The following NOC2L variants were observed in gnomAD, a reference collection of about 807,000 sequenced individuals.
NOC2L encodes the protein NOC2 like nucleolar associated transcriptional repressor.
A neutral mutation model predicts 94.2 loss-of-function variants in NOC2L; 101 were observed. That is an observed-to-expected ratio of 1.07 (90% CI 0.91 to 1.26). The LOEUF is 1.26. Ranked by LOEUF, NOC2L falls within the 50% of genes most tolerant of loss-of-function variation. The pLI, the probability that NOC2L is intolerant of heterozygous loss-of-function variation, is 0.00. For missense variants in NOC2L, 1,076 were observed against 980.1 expected, an observed-to-expected ratio of 1.10 and a Z score of -1.31; for synonymous variants, 531 against 413.4, an observed-to-expected ratio of 1.28 and a Z score of -3.45.
rs1187136671 is a variant in NOC2L at position 954,065 on chromosome 1, C to T, written c.716G>A (p.Ser239Asn). 1 of 1,610,940 alleles carries T rather than the reference C, an allele frequency of 6.2e-7. No individual in the cohort carries two copies. Among genetic ancestry groups the T allele is most frequent in the East Asian group, 2.2e-5 (1 of 44,816 alleles). Reference protein sequence around the residue: ...KDSSRMLQPSSSPLWGKLRVD... With the variant: ...KDSSRMLQPSNSPLWGKLRVD... Reference sequence around the variant, plus strand: ...ACGAAGCTTCCCCCAGAGCGGGCTGCTGGACGGCTGCAGCATCCTGCAGAG... The same window carrying T: ...ACGAAGCTTCCCCCAGAGCGGGCTGTTGGACGGCTGCAGCATCCTGCAGAG... The change falls in exon 7 of 19, where the codon AGC becomes AAC. Residue 239 changes from serine (S) to asparagine (N), a missense_variant. Transcript: ENST00000327044.
chr1:955,122 G>A (rs1480810069), intron 6 of NOC2L, among the ~76,000 whole-genome samples: 8 of 152,340 alleles, frequency 5.3e-5, no homozygotes, highest in Admixed American at 2.6e-4. Flanking sequence ...GCTGCAGTGC[G>A]TGCTGCCTCC....
At chr1:958,474 T>G (rs967905057) in intron 2 of NOC2L, 1 of 353,876 alleles carries the variant, frequency 2.8e-6, no homozygotes, top group Non-Finnish European at 5.6e-6. Context: ...GGTCTCGAAT[T>G]CCTGACCTCA....
intron 14 of NOC2L, chr1:947,072 T>C (rs1642134193): frequency 6.4e-6 from 1 of 155,888 alleles, no homozygotes; most frequent in African/African-American, 2.4e-5. Flanking sequence ...ATACTACTAC[T>C]ACTAATAAAA....
intron 2 of NOC2L, 51 bp from the exon 3 acceptor site, chr1:957,324 C>CGG (rs1557623566): frequency 6.4e-7 from 1 of 1,571,782 alleles, no homozygotes; most frequent in Non-Finnish European, 8.7e-7. Context: ...GTAGAGGGGG[C>CGG]GGGGAGTGGC....
At chr1:958,455 G>C (rs150004671) in intron 2 of NOC2L, 1 of 339,198 alleles carries the variant, frequency 2.9e-6, no homozygotes, top group Non-Finnish European at 5.8e-6. Flanking sequence ...TTTCCGTGTT[G>C]GTCAGGCTGG....
intron 1 of NOC2L, 49 bp downstream of exon 1, chr1:959,166 T>A: frequency 1.9e-6 from 3 of 1,611,836 alleles, no homozygotes; most frequent in Non-Finnish European, 1.7e-6. Context: ...CCCCCTTGGA[T>A]ACAGACACCC....
At position 953,853 on chromosome 1, in the gene NOC2L, C is replaced by T. The variant is rs200446475; in HGVS notation, c.817G>A (p.Val273Met). 3.2e-5 allele frequency: 51 copies of T among 1,612,958 alleles called. No individual in the cohort carries two copies. Among genetic ancestry groups the T allele is most frequent in the African/African-American group, 5.3e-5 (4 of 74,922 alleles). Residue 273 changes from valine to methionine, a missense_variant, in exon 8 of 19, where the codon GTG becomes ATG. Coordinates refer to ENST00000327044, the MANE Select transcript of NOC2L (RefSeq NM_015658.4). The stretch of plus-strand genomic sequence containing the variant: ...ACCAGCACGCTGATGTGCCGCAGCA[C>T]GGCCGCCAACACCGTCGTCTCCGAC... ...CLSETTVLAA[V>M]LRHISVLVPC...
chr1:956,149 G>T lies in NOC2L; in HGVS notation c.553C>A (p.Arg185=). 1 of 1,613,932 alleles carries T rather than the reference G, an allele frequency of 6.2e-7. No homozygotes were observed. The highest frequency in any genetic ancestry group is 8.5e-7 in the Non-Finnish European group (1 of 1,180,010). ...GCCTCAGCACTTTCCTGGTCCCCTC[G>T]GGTGGTGGCCACAGCTGCTCGGAAC... ...QAFRAAVATT[R]GDQESAEANK... is the part of the protein sequence containing the mutation. The change falls in exon 5 of 19, where the codon CGA becomes AGA. Residue 185 remains arginine, a synonymous_variant. Transcript: ENST00000327044.
At chr1:957,371 A>G in intron 2 of NOC2L, 98 bp from the exon 3 acceptor site, 1 of 1,167,486 alleles carries the variant, frequency 8.6e-7, no homozygotes, top group Non-Finnish European at 1.2e-6. Context: ...AAGGGTTACC[A>G]ACTAGCAAGA....
At chr1:956,769 G>T (rs554340002) in intron 4 of NOC2L, 125 bp downstream of exon 4, 6 of 1,392,814 alleles carry the variant, frequency 4.3e-6, no homozygotes, top group Non-Finnish European at 6.0e-6. Flanking sequence ...GGCGCCTCAG[G>T]TGAGGCAAGG....
In NOC2L at chr1:945,522, C is replaced by T. The variant is rs185487376; in HGVS notation, c.2049G>A (p.Glu683=). ...GGAGCACCACGCAGGCCCCACCTCTCTCCGAGAATCCCTCGGTGTCGTCCT... is the reference window on the plus strand; with the variant it reads ...GGAGCACCACGCAGGCCCCACCTCTTTCCGAGAATCCCTCGGTGTCGTCCT... The part of the protein sequence containing the change: ...SEEDDTEGFS[E]RGILRPLSTR... Residue 683 remains glutamate, a synonymous_variant, in exon 17 of 19, where the codon GAG becomes GAA. Transcript: ENST00000327044. 2 of 1,613,662 alleles carry T rather than the reference C, an allele frequency of 1.2e-6. No individual in the cohort carries two copies. Among genetic ancestry groups the T allele is most frequent in the Non-Finnish European group, 1.7e-6 (2 of 1,179,824 alleles).
intron 11 of NOC2L, 86 bp downstream of exon 11, chr1:951,914 T>C (rs2100388219): frequency 2.7e-6 from 4 of 1,483,494 alleles, no homozygotes; most frequent in Non-Finnish European, 2.7e-6. Context: ...CCCAAGGCCC[T>C]GAACGCCAGA....
chr1:956,149 G>C lies in NOC2L; in HGVS notation c.553C>G (p.Arg185Gly). 1.9e-6 allele frequency: 3 copies of C among 1,613,932 alleles called. No individual in the cohort carries two copies. The highest frequency in any genetic ancestry group is 2.5e-6 in the Non-Finnish European group (3 of 1,180,010). The part of the protein sequence containing the change: ...QAFRAAVATT[R>G]GDQESAEANK... ...GCCTCAGCACTTTCCTGGTCCCCTC[G>C]GGTGGTGGCCACAGCTGCTCGGAAC... The change falls in exon 5 of 19, where the codon CGA becomes GGA. Residue 185 changes from arginine (R) to glycine (G), a missense_variant. Physicochemically the swap from Arg to Gly is moderately radical, Grantham distance 125. Transcript: ENST00000327044.
At chr1:958,456 G>A (rs2100400404) in intron 2 of NOC2L, 1 of 342,678 alleles carries the variant, frequency 2.9e-6, no homozygotes, top group East Asian at 7.9e-5. Context: ...TTCCGTGTTG[G>A]TCAGGCTGGT....
At chr1:955,537 A>T (rs1198916809) in intron 6 of NOC2L, among the ~76,000 whole-genome samples, 2 of 152,234 alleles carry the variant, frequency 1.3e-5, no homozygotes, top group Non-Finnish European at 2.9e-5. Flanking sequence ...GTCTACAGAC[A>T]CACACAGCTC....
Position 958,970 on chromosome 1 carries a change from A to G in NOC2L, c.138T>C (p.Ala46=). 6.2e-7 allele frequency: 1 copy of G among 1,612,784 alleles called. No homozygotes were observed. Among genetic ancestry groups the G allele is most frequent in the East Asian group, 2.2e-5 (1 of 44,872 alleles). Residue 46 remains alanine, a synonymous_variant, in exon 2 of 19, where the codon GCT becomes GCC. Transcript: ENST00000327044. ...CGCCCGGCTTATCCGGACTCCGGGC[A>G]GCCTCGCGTGCTTCCCGTGTCTCCG... ...PQAETREARE[A]ARSPDKPGGS... is the part of the protein sequence containing the mutation.
Position 952,358 on chromosome 1 carries a change from C to G in NOC2L, c.1191+54G>C, listed in dbSNP as rs1038652643. 11 of 1,594,652 alleles carry G rather than the reference C, an allele frequency of 6.9e-6. No homozygotes were observed. The African/African-American group carries it at 1.5e-4, about 21-fold the overall frequency. Reference sequence around the variant, plus strand: ...CCAGGCCCTGCCTTGGGTCGGGCACCTGGGCTGCCCCACCCCATGCCCAGC... The same window carrying G: ...CCAGGCCCTGCCTTGGGTCGGGCACGTGGGCTGCCCCACCCCATGCCCAGC... On this transcript the variant is annotated intron_variant, in intron 10 of 18. Coordinates refer to ENST00000327044, the MANE Select transcript of NOC2L (RefSeq NM_015658.4).
At position 955,964 on chromosome 1, in the gene NOC2L, G is replaced by A. The variant is rs267598748; in HGVS notation, c.657C>T (p.Leu219=). 2 of 1,613,886 alleles carry A rather than the reference G, an allele frequency of 1.2e-6. No individual in the cohort carries two copies. The highest frequency in any genetic ancestry group is 1.1e-5 in the South Asian group (1 of 91,054). ...TFCIRDLIGC[L]QKLLFGKVAK... ...CCACCTTTCCAAACAGCAGCTTCTGGAGACAGCCAATGAGGTCTCTGATGC... is the reference window on the plus strand; with the variant it reads ...CCACCTTTCCAAACAGCAGCTTCTGAAGACAGCCAATGAGGTCTCTGATGC... Residue 219 remains leucine, a synonymous_variant, in exon 6 of 19, where the codon CTC becomes CTT. Coordinates refer to ENST00000327044, the MANE Select transcript of NOC2L (RefSeq NM_015658.4).
intron 12 of NOC2L, among the ~76,000 whole-genome samples, chr1:950,216 ACACG>A (rs1285243913): frequency 6.6e-6 from 1 of 152,156 alleles, no homozygotes; most frequent in Non-Finnish European, 1.5e-5. Context: ...GCACAGGTAC[ACACG>A]CACAGTACAC....
Sources: allele counts gnomAD v4.1 joint callset (sites outside exome capture counted in the v4.1 genomes callset), GRCh38; gene constraint gnomAD v4.1.1; transcripts MANE v1.5; gene names NCBI Gene and HGNC (gene_info 2026-07-23, HGNC 2026-07-21).